Variants in DCC observed in about 807,000 individuals in gnomAD.
DCC encodes DCC netrin 1 receptor, also known as netrin receptor DCC.
Under a neutral mutation model 172.5 loss-of-function variants are expected in DCC, and 58 were observed. The ratio of observed to expected loss-of-function variants is 0.34; its 90% CI spans 0.27 to 0.42. The LOEUF (loss-of-function observed/expected upper bound fraction) is 0.42. DCC is among the 10% of genes least tolerant of loss of function. The pLI, the probability that DCC is intolerant of heterozygous loss-of-function variation, is 1.00. For missense variants in DCC, 1,740 were observed against 1,791.0 expected (o/e 0.97, Z 0.51); for synonymous variants, 709 against 644.5 (o/e 1.10, Z -1.52).
chr18:53,127,471 C>T (rs760143126), intron 7 of DCC, among the ~76,000 whole-genome samples: 1 of 152,032 alleles, frequency 6.6e-6, no homozygotes, highest in African/African-American at 2.4e-5. Context: ...TGCAGGGTCC[C>T]TAGAAATCCA....
chr18:53,376,694 T>C (rs4407121), intron 15 of DCC, among the ~76,000 whole-genome samples: 146,811 of 152,222 alleles, frequency 0.96, 71,036 homozygotes, highest in Middle Eastern at 1. Flanking sequence ...ATTCTTACAC[T>C]ATGACCGGAG....
At chr18:52,540,597 C>CT (rs71175505) in intron 1 of DCC, among the ~76,000 whole-genome samples, 6,956 of 67,286 alleles carry the variant, frequency 0.1, 2,727 homozygotes, top group East Asian at 0.27. Context: ...ATTCAACTGC[C>CT]TTTTTTTTTT....
intron 14 of DCC, among the ~76,000 whole-genome samples, chr18:53,333,895 A>G (rs1446554878): frequency 2.0e-5 from 3 of 152,126 alleles, no homozygotes; most frequent in Non-Finnish European, 2.9e-5. Flanking sequence ...ATACCCAACT[A>G]CTTCCTTGAG....
At chr18:53,331,741 C>T (rs538900755) in intron 14 of DCC, among the ~76,000 whole-genome samples, 2 of 152,096 alleles carry the variant, frequency 1.3e-5, no homozygotes, top group Non-Finnish European at 2.9e-5. Context: ...TAGACAGAGA[C>T]CACGCTTGTC....
intron 7 of DCC, among the ~76,000 whole-genome samples, chr18:53,070,399 A>G (rs2042636723): frequency 6.6e-6 from 1 of 152,212 alleles, no homozygotes; most frequent in Admixed American, 6.5e-5. Context: ...GTGTTTGAAG[A>G]CGGATGACAG....
intron 16 of DCC, among the ~76,000 whole-genome samples, chr18:53,386,582 G>A (rs759369826): frequency 2.6e-5 from 4 of 152,160 alleles, no homozygotes; most frequent in Non-Finnish European, 5.9e-5. Flanking sequence ...AGATGACAAG[G>A]AAGAGCTGGC....
chr18:52,877,500 G>A (rs2039420775), intron 2 of DCC, among the ~76,000 whole-genome samples: 1 of 152,052 alleles, frequency 6.6e-6, no homozygotes, highest in Non-Finnish European at 1.5e-5. Flanking sequence ...CTTCAGCCCA[G>A]GAGTTCGGGA....
intron 19 of DCC, among the ~76,000 whole-genome samples, chr18:53,406,555 T>C (rs1599114656): frequency 1.3e-5 from 2 of 151,694 alleles, no homozygotes; most frequent in East Asian, 3.9e-4. Flanking sequence ...AATACAGAAA[T>C]TAGCCAGACA....
chr18:53,182,484 C>G (rs953963951), intron 9 of DCC, among the ~76,000 whole-genome samples: 2 of 152,174 alleles, frequency 1.3e-5, no homozygotes, highest in Non-Finnish European at 2.9e-5. Flanking sequence ...CCTGCATAAA[C>G]AAGACATTCA....
intron 1 of DCC, among the ~76,000 whole-genome samples, chr18:52,738,380 C>T (rs893095967): frequency 6.6e-6 from 1 of 152,116 alleles, no homozygotes; most frequent in Non-Finnish European, 1.5e-5. Flanking sequence ...AAACTACAAA[C>T]CTGTACAGCA....
At chr18:52,856,909 G>A (rs1041401609) in intron 2 of DCC, among the ~76,000 whole-genome samples, 9 of 152,126 alleles carry the variant, frequency 5.9e-5, no homozygotes, top group Non-Finnish European at 1.2e-4. Context: ...AATTAGGTAT[G>A]AATTTTCAAT....
chr18:52,660,258 C>T (rs2035332935), intron 1 of DCC, among the ~76,000 whole-genome samples: 1 of 152,082 alleles, frequency 6.6e-6, no homozygotes. Context: ...TGCCTGACAG[C>T]AAAAGGACAT....
At chr18:53,508,974 C>CCAA (rs1445546919) in intron 27 of DCC, among the ~76,000 whole-genome samples, 20 of 152,316 alleles carry the variant, frequency 1.3e-4, no homozygotes, top group African/African-American at 4.8e-4. Flanking sequence ...GGCCTTATAT[C>CCAA]CAACAGGTGT....
chr18:53,036,184 G>A (rs1006078769), intron 5 of DCC, among the ~76,000 whole-genome samples: 10 of 152,066 alleles, frequency 6.6e-5, no homozygotes, highest in Non-Finnish European at 1.3e-4. Flanking sequence ...AGATATTAAA[G>A]ATTCTAAAAA....
At chr18:52,675,493 T>C (rs2035631876) in intron 1 of DCC, among the ~76,000 whole-genome samples, 1 of 152,176 alleles carries the variant, frequency 6.6e-6, no homozygotes, top group African/African-American at 2.4e-5. Flanking sequence ...CCTAAATATA[T>C]TTAATTGAAG....
At chr18:53,162,601 C>G (rs1190681850) in intron 8 of DCC, among the ~76,000 whole-genome samples, 2 of 152,104 alleles carry the variant, frequency 1.3e-5, no homozygotes, top group African/African-American at 4.8e-5. Flanking sequence ...CCTAAATATT[C>G]AAGAATCTTC....
chr18:52,478,451 G>A (rs559113556), intron 1 of DCC, among the ~76,000 whole-genome samples: 1 of 152,280 alleles, frequency 6.6e-6, no homozygotes, highest in South Asian at 2.1e-4. Context: ...TAATTGTAGA[G>A]GAATGTTCAG....
At chr18:53,180,624 A>T (rs188226792) in intron 9 of DCC, among the ~76,000 whole-genome samples, 1 of 152,188 alleles carries the variant, frequency 6.6e-6, no homozygotes, top group African/African-American at 2.4e-5. Context: ...AACAATGCCA[A>T]TTTCCTCTTC....
chr18:52,495,181 A>G (rs1461487609), intron 1 of DCC, among the ~76,000 whole-genome samples: 1 of 152,096 alleles, frequency 6.6e-6, no homozygotes, highest in Non-Finnish European at 1.5e-5. Flanking sequence ...TGCTTCTCAG[A>G]GGCTTTGTAA....
Sources: gnomAD v4.1 joint callset for allele counts (sites outside exome capture counted in the v4.1 genomes callset) on GRCh38, gnomAD v4.1.1 for gene constraint, MANE v1.5 for transcripts, NCBI Gene and HGNC (gene_info 2026-07-23, HGNC 2026-07-21) for gene names.